The following BPTF variants were observed in gnomAD, a reference collection of about 807,000 sequenced individuals.
BPTF encodes the protein nucleosome-remodeling factor subunit BPTF.
Under a neutral mutation model 292.5 loss-of-function variants are expected in BPTF, and 18 were observed. The ratio of observed to expected loss-of-function variants is 0.06; its 90% CI spans 0.04 to 0.09. The LOEUF (loss-of-function observed/expected upper bound fraction) is 0.09. Ranked by LOEUF, BPTF falls within the 10% of genes least tolerant of loss-of-function variation. The pLI is 1.00. For missense variants in BPTF, 2,726 were observed against 3,498.7 expected, an observed-to-expected ratio of 0.78 and a Z score of 5.57; for synonymous variants, 1,225 against 1,251.9, an observed-to-expected ratio of 0.98 and a Z score of 0.45.
intron 4 of BPTF, chr17:67,886,227 C>T: frequency 3.7e-6 from 6 of 1,614,042 alleles, no homozygotes; most frequent in Non-Finnish European, 4.2e-6. Flanking sequence ...GAACTAAATT[C>T]TTCCCAGAGT....
At chr17:67,918,645 T>C in intron 11 of BPTF, 69 bp from the exon 12 acceptor site, 2 of 1,415,778 alleles carry the variant, frequency 1.4e-6, no homozygotes. Flanking sequence ...TTTAGTAGAG[T>C]GAATATGAAT....
At chr17:67,941,728 A>G (rs1598806300) in intron 19 of BPTF, among the ~76,000 whole-genome samples, 2 of 152,250 alleles carry the variant, frequency 1.3e-5, no homozygotes, top group East Asian at 3.8e-4. Flanking sequence ...CAGGAGGATG[A>G]AAGTCCTAAC....
At chr17:67,873,773 A>T (rs969161746) in intron 3 of BPTF, among the ~76,000 whole-genome samples, 1 of 152,200 alleles carries the variant, frequency 6.6e-6, no homozygotes, top group African/African-American at 2.4e-5. Context: ...ATTTATGACT[A>T]CATTTTTTAG....
chr17:67,868,319 C>A (rs1429275773), intron 3 of BPTF, among the ~76,000 whole-genome samples: 1 of 152,160 alleles, frequency 6.6e-6, no homozygotes, highest in African/African-American at 2.4e-5. Context: ...CAGATGTATT[C>A]TGTGCATGTT....
At chr17:67,949,461 G>A (rs2148019777) in intron 23 of BPTF, among the ~76,000 whole-genome samples, 1 of 152,010 alleles carries the variant, frequency 6.6e-6, no homozygotes, top group Non-Finnish European at 1.5e-5. Flanking sequence ...TGTAATCCCA[G>A]CTACTTGGGA....
chr17:67,892,571 T>C (rs963127517), intron 5 of BPTF, among the ~76,000 whole-genome samples: 4 of 152,204 alleles, frequency 2.6e-5, no homozygotes, highest in African/African-American at 7.2e-5. Context: ...TGACAGGACA[T>C]GGTCCCAACT....
intron 27 of BPTF, 103 bp from the exon 28 acceptor site, chr17:67,982,149 T>A (rs782459627): frequency 9.7e-7 from 1 of 1,031,526 alleles, no homozygotes; most frequent in Non-Finnish European, 1.5e-6. Flanking sequence ...TGAAAGAACA[T>A]GGCTGCTTCT....
chr17:67,879,211 G>A (rs1038367069), intron 4 of BPTF, among the ~76,000 whole-genome samples: 4 of 146,870 alleles, frequency 2.7e-5, no homozygotes, highest in Non-Finnish European at 5.9e-5. Context: ...GTGCGATCTC[G>A]GCTCACCACA....
At chr17:67,848,567 T>C (rs898130936) in intron 1 of BPTF, among the ~76,000 whole-genome samples, 1 of 152,176 alleles carries the variant, frequency 6.6e-6, no homozygotes, top group African/African-American at 2.4e-5. Context: ...AATTTCTGTC[T>C]AAAATATGTA....
In BPTF at chr17:67,928,377, C is replaced by T. The variant is rs751239459; in HGVS notation, c.5774C>T (p.Pro1925Leu). ...QAKKRLEQQK[P>L]TVIATSTTSP... ...TAGAAACGACTGGAGCAGCAGAAGC[C>T]GACAGTGATTGCAACTTCCACTACT... The change falls in exon 16 of 28, where the codon CCG (proline) becomes CTG (leucine). Residue 1925 changes from proline to leucine, a missense_variant. This residue lies in a region of BPTF where 198 missense variants were observed against 277.1 expected (regional missense o/e 0.71). Coordinates refer to ENST00000306378, the MANE Select transcript of BPTF (RefSeq NM_182641.4). 100 of 1,612,738 alleles carry T rather than the reference C, an allele frequency of 6.2e-5. No homozygotes were observed. Among genetic ancestry groups the T allele is most frequent in the Non-Finnish European group, 8.1e-5 (95 of 1,179,412 alleles).
chr17:67,839,140 G>GAAAAAAAAAAAAAAAAA (rs903832593), intron 1 of BPTF, among the ~76,000 whole-genome samples: 1 of 149,882 alleles, frequency 6.7e-6, no homozygotes, highest in African/African-American at 2.5e-5. Flanking sequence ...AAAAAAAAAA[G>GAAAAAAAAAAAAAAAAA]AAAAAAAAGA....
In BPTF at chr17:67,858,555, CAAAAAAAAAAA is replaced by C. The variant is rs561316267; in HGVS notation, c.1436+3806_1436+3816del. Among the ~76,000 whole-genome samples, 15 of 77,924 alleles carry C rather than the reference CAAAAAAAAAAA, an allele frequency of 1.9e-4. No individual in the cohort carries two copies. In the East Asian group the frequency reaches 4.1e-3, roughly 21 times the overall value. 51.1% of individuals were successfully genotyped at this position (77,924 alleles called of 152,430 possible). A position where few individuals can be genotyped will look rare whatever the true frequency, so the allele number is the denominator to read the frequency against. ...GGGTGATGGAGTGAGACTCTGTCTC[CAAAAAAAAAAA>C]AAAAAAAAAAAAGTTTACTGCTGTG... On this transcript the variant is annotated intron_variant, in intron 2 of 27. Transcript: ENST00000306378.
rs181630565 is a variant in BPTF at position 67,836,253 on chromosome 17, G to A, written c.613+9916G>A. ...ATACTTAGACTTCTTTCTACTCATG[G>A]ATATGTTCTGTAATTCACACGCTTG... On this transcript the variant is annotated intron_variant, in intron 1 of 27. Coordinates refer to ENST00000306378, the MANE Select transcript of BPTF (RefSeq NM_182641.4). Among the ~76,000 whole-genome samples the A allele has an allele frequency of 3.3e-5, 5 of 152,216 alleles. No individual in the cohort carries two copies. In the East Asian group the frequency reaches 9.7e-4, roughly 29 times the overall value.
Position 67,947,831 on chromosome 17 carries a change from T to C in BPTF, c.7700+23T>C, listed in dbSNP as rs199839467. Reference sequence around the variant, plus strand: ...AAGGTAGGGGAGACGCAGGGTCTTGTTGTCTGTCCGTCTCTTCTCTTTATC... The same window carrying C: ...AAGGTAGGGGAGACGCAGGGTCTTGCTGTCTGTCCGTCTCTTCTCTTTATC... On this transcript the variant is annotated intron_variant, in intron 22 of 27. Coordinates refer to ENST00000306378, the MANE Select transcript of BPTF (RefSeq NM_182641.4). 1,220 of 1,546,154 alleles carry C rather than the reference T, an allele frequency of 7.9e-4. 2 individuals are homozygous for C. Among genetic ancestry groups the C allele is most frequent in the Non-Finnish European group, 9.9e-4 (1,130 of 1,142,760 alleles).
intron 2 of BPTF, among the ~76,000 whole-genome samples, chr17:67,856,673 A>T (rs58396713): frequency 6.6e-6 from 1 of 152,146 alleles, no homozygotes; most frequent in Non-Finnish European, 1.5e-5. Flanking sequence ...TAGAGGAGCA[A>T]TGGCATGGAA....
intron 7 of BPTF, 141 bp downstream of exon 7, chr17:67,894,306 G>T: frequency 2.5e-6 from 2 of 800,386 alleles, no homozygotes; most frequent in African/African-American, 1.8e-5. Flanking sequence ...TATATAAGTT[G>T]TAAACATGAA....
At position 67,856,925 on chromosome 17, in the gene BPTF, G is replaced by T. The variant is rs118168221; in HGVS notation, c.1436+2163G>T. The stretch of plus-strand genomic sequence containing the variant: ...CTTTGGCAGCTTGAAGGGGAGAATG[G>T]TGGTTTAGGAATCTGCTCCAGCCAG... On this transcript the variant is annotated intron_variant, in intron 2 of 27. Coordinates refer to ENST00000306378, the MANE Select transcript of BPTF (RefSeq NM_182641.4). Among the ~76,000 whole-genome samples, 12 of 152,060 alleles carry T rather than the reference G, an allele frequency of 7.9e-5. No homozygotes were observed. In the East Asian group the frequency reaches 2.3e-3, roughly 29 times the overall value.
intron 3 of BPTF, among the ~76,000 whole-genome samples, chr17:67,869,981 C>G (rs975718162): frequency 1.6e-5 from 2 of 123,668 alleles, no homozygotes; most frequent in Non-Finnish European, 3.1e-5. Flanking sequence ...GCCTGGGCGA[C>G]ACAGAGCGAG....
At chr17:67,887,832 C>T (rs1053698003) in intron 4 of BPTF, among the ~76,000 whole-genome samples, 2 of 152,170 alleles carry the variant, frequency 1.3e-5, no homozygotes, top group Non-Finnish European at 2.9e-5. Flanking sequence ...ACAGGCTATT[C>T]CCATGTGGCA....
Sources: allele counts gnomAD v4.1 joint callset (sites outside exome capture counted in the v4.1 genomes callset), GRCh38; gene constraint gnomAD v4.1.1; regional missense constraint gnomAD v4.1.1; transcripts MANE v1.5; gene names NCBI Gene and HGNC (gene_info 2026-07-23, HGNC 2026-07-21).